MYT1: variants seen among roughly 807,000 people sequenced by gnomAD.
MYT1 encodes the protein myelin transcription factor 1, also known as myelin transcription factor I.
In MYT1, 23 loss-of-function variants were observed where a neutral mutation model predicts 123.0. That is an observed-to-expected ratio of 0.19 (90% confidence interval 0.13 to 0.26). MYT1 has a LOEUF of 0.26. Among genes scored for constraint, MYT1 ranks in the 10% least tolerant of loss-of-function variants. MYT1 has a pLI of 1.00. For missense variants in MYT1, 1,125 were observed against 1,472.5 expected (o/e 0.76, Z 3.86); for synonymous variants, 518 against 575.3 (o/e 0.90, Z 1.43).
Position 64,221,997 on chromosome 20 carries a change from C to G in MYT1, c.2346C>G (p.Thr782=), listed in dbSNP as rs774123501. The change falls in exon 14 of 23, where the codon ACC becomes ACG. Residue 782 remains threonine (T), a synonymous_variant. Coordinates refer to ENST00000328439, the MANE Select transcript of MYT1 (RefSeq NM_004535.3). ...AGTATCCGGGGGAAGTCACCCTGAC[C>G]AACTTTAAGCTGAAGTTTCTCTCCA... ...ERKYPGEVTL[T]NFKLKFLSKD... is the part of the protein sequence containing the mutation. 15 of 1,613,366 alleles carry G rather than the reference C, an allele frequency of 9.3e-6. No homozygotes were observed.
In MYT1 at chr20:64,232,337, G is replaced by C; in HGVS notation, c.2849G>C (p.Gly950Ala). The change falls in exon 19 of 23, where the codon GGC becomes GCC. Residue 950 changes from glycine to alanine, a missense_variant. By Grantham distance (60) the Gly-to-Ala change is moderately conservative. Around this residue, in one of 4 missense-constraint regions of MYT1, gnomAD observed 243 missense variants for 323.1 expected, o/e 0.75. Coordinates refer to ENST00000328439, the MANE Select transcript of MYT1 (RefSeq NM_004535.3). The surrounding 1 kb of genome is among the most constrained non-coding windows in gnomAD (Gnocchi z 6.9). ...KNEGPTCPTP[G>A]CDGSGHANGS... ...GAAGGACCGACCTGCCCCACCCCGG[G>C]CTGTGACGGCTCTGGCCACGCCAAT... 1 of 1,613,022 alleles carries C rather than the reference G, an allele frequency of 6.2e-7. No individual in the cohort carries two copies. Among genetic ancestry groups the C allele is most frequent in the Non-Finnish European group, 8.5e-7 (1 of 1,179,982 alleles).
chr20:64,168,041 CG>C lies in MYT1; in HGVS notation c.-99+3304del, dbSNP rs1338695898. On this transcript the variant is annotated intron_variant, in intron 1 of 22. Transcript: ENST00000328439. This position sits in a 1 kb window ranked among gnomAD's most constrained non-coding sequence, Gnocchi z 6.1. ...CCACTGGGGAGCCCACTGCCCAGCC[CG>C]GAGTGTCTGCTGGAGGCCTGGGGGG... Among the ~76,000 whole-genome samples, 1 of 152,182 alleles carries C rather than the reference CG, an allele frequency of 6.6e-6. No homozygotes were observed. Among genetic ancestry groups the C allele is most frequent in the Non-Finnish European group, 1.5e-5 (1 of 68,044 alleles).
rs1399126271 is a variant in MYT1, at chr20:64,186,411, A to G, written c.-98-3652A>G. On this transcript the variant is annotated intron_variant, in intron 1 of 22. Transcript: ENST00000328439. This position sits in a 1 kb window ranked among gnomAD's most constrained non-coding sequence, Gnocchi z 4.3. ...TTCAGATTAACTCACTAGAAACTCA[A>G]TAACCCAAGAGAACAGGCTCGTCTG... Among the ~76,000 whole-genome samples the G allele has an allele frequency of 3.3e-5, 5 of 152,114 alleles. No homozygotes were observed. The highest frequency in any genetic ancestry group is 2.1e-4 in the South Asian group (1 of 4,830).
rs752240541 is a variant in MYT1 at position 64,202,876 on chromosome 20, C to T, written c.87-2159C>T. Among the ~76,000 whole-genome samples, 357 of 152,168 alleles carry T rather than the reference C, an allele frequency of 2.3e-3. 2 individuals carry two copies. Among genetic ancestry groups the T allele is most frequent in the Non-Finnish European group, 3.9e-3 (263 of 68,024 alleles). On this transcript the variant is annotated intron_variant, in intron 4 of 22. Transcript: ENST00000328439. The surrounding 1 kb of genome is among the most constrained non-coding windows in gnomAD (Gnocchi z 5.0). Reference sequence around the variant, plus strand: ...ATTCCCTCCTCCCGGAGAAAAGAGGCTCGGGAGTCCTGGAGCCCTGGCCGT... The same window carrying T: ...ATTCCCTCCTCCCGGAGAAAAGAGGTTCGGGAGTCCTGGAGCCCTGGCCGT...
rs1047182790 is a variant in MYT1 at position 64,219,714 on chromosome 20, C to G, written c.1973C>G (p.Ser658Cys). 2.5e-6 allele frequency: 4 copies of G among 1,609,126 alleles called. No individual in the cohort carries two copies. Among genetic ancestry groups the G allele is most frequent in the Non-Finnish European group, 2.5e-6 (3 of 1,176,702 alleles). Residue 658 changes from serine to cysteine, a missense_variant and splice_region_variant, in exon 13 of 23, where the codon TCT becomes TGT. Around this residue, in one of 4 missense-constraint regions of MYT1, gnomAD observed 429 missense variants for 604.1 expected, o/e 0.71. Transcript: ENST00000328439. Reference protein sequence around the residue: ...STKPQDLPSKSVDIEVDENGT... With the variant: ...STKPQDLPSKCVDIEVDENGT... ...CAGATCTCACCTTTGCCATTGCAGT[C>G]TGTGGATATCGAGGTAGACGAAAAT...
chr20:64,170,878 TATATATAGAG>T (rs1328628317), intron 1 of MYT1, among the ~76,000 whole-genome samples: 21 of 55,614 alleles, frequency 3.8e-4, no homozygotes, highest in African/African-American at 1.3e-3. Context: ...TATATATATA[TATATATAGAG>T]AGAGAGAGAG....
At chr20:64,226,153 C>T (rs948967249) in intron 16 of MYT1, among the ~76,000 whole-genome samples, 2 of 152,204 alleles carry the variant, frequency 1.3e-5, no homozygotes, top group Non-Finnish European at 2.9e-5. Context: ...GAGAGGCAGG[C>T]CATCTTCAGT....
intron 7 of MYT1, among the ~76,000 whole-genome samples, chr20:64,210,656 C>T (rs73325829): frequency 0.044 from 6,641 of 152,288 alleles, 160 homozygotes; most frequent in Middle Eastern, 0.11. Flanking sequence ...CTCTGAGGGT[C>T]CTCCGTGTTC....
intron 3 of MYT1, 116 bp downstream of exon 3, chr20:64,199,032 C>A (rs1035527209): frequency 2.9e-6 from 3 of 1,036,770 alleles, no homozygotes; most frequent in Non-Finnish European, 2.8e-6. Context: ...GACCTCAGGC[C>A]TCTTCAGCCT....
chr20:64,225,807 T>C (rs1984153678), intron 16 of MYT1, among the ~76,000 whole-genome samples: 1 of 152,060 alleles, frequency 6.6e-6, no homozygotes, highest in Non-Finnish European at 1.5e-5. Context: ...GGGACACAAC[T>C]CTTGAGAAAA....
At position 64,213,751 on chromosome 20, in the gene MYT1, G is replaced by GTGTGAGTGTACGTGCA. The variant is rs66986839; in HGVS notation, c.1631+130_1631+145dup. 925 of 932,946 alleles carry GTGTGAGTGTACGTGCA rather than the reference G, an allele frequency of 9.9e-4. 3 individuals carry two copies. Among genetic ancestry groups the GTGTGAGTGTACGTGCA allele is most frequent in the Non-Finnish European group, 1.3e-3 (752 of 593,092 alleles). The allele number at this position is 932,946 out of a possible 1,614,324, so 57.8% of individuals were successfully genotyped here. A position where few individuals can be genotyped will look rare whatever the true frequency, so the allele number is the denominator to read the frequency against. ...TATGTGCATGTGTGTGAGTGCATGTGTGTGAGTGTACGTGCATGTGAGTGT... is the reference window on the plus strand; with the variant it reads ...TATGTGCATGTGTGTGAGTGCATGTGTGTGAGTGTACGTGCATGTGAGTGTACGTGCATGTGAGTGT... On this transcript the variant is annotated intron_variant, in intron 10 of 22. Coordinates refer to ENST00000328439, the MANE Select transcript of MYT1 (RefSeq NM_004535.3). This position sits in a 1 kb window ranked among gnomAD's most constrained non-coding sequence, Gnocchi z 5.6.
At chr20:64,207,453 G>T (rs35094109) in intron 6 of MYT1, 141 bp from the exon 7 acceptor site, 147,345 of 1,438,806 alleles carry the variant, frequency 0.1, 8,387 homozygotes, top group South Asian at 0.17. Flanking sequence ...CCCCACTTCT[G>T]GAGTTTCATG....
At chr20:64,216,061 C>T (rs1040676409) in intron 10 of MYT1, among the ~76,000 whole-genome samples, 3 of 152,210 alleles carry the variant, frequency 2.0e-5, no homozygotes, top group Non-Finnish European at 2.9e-5. Flanking sequence ...CAGAGCTGGC[C>T]GTGGTTGCAG....
intron 2 of MYT1, among the ~76,000 whole-genome samples, chr20:64,194,484 G>A (rs150339740): frequency 2.0e-5 from 3 of 152,370 alleles, no homozygotes; most frequent in African/African-American, 7.2e-5. Flanking sequence ...GGCCAGAACA[G>A]CTCCTGCTGG....
chr20:64,205,123 A>C (rs1199462540), intron 5 of MYT1, 26 bp downstream of exon 5: 1 of 1,612,808 alleles, frequency 6.2e-7, no homozygotes, highest in African/African-American at 1.3e-5. Flanking sequence ...GATCTCACGG[A>C]GATTCCTGGG....
intron 2 of MYT1, among the ~76,000 whole-genome samples, chr20:64,198,165 T>C (rs1367626347): frequency 6.6e-6 from 1 of 151,536 alleles, no homozygotes; most frequent in Non-Finnish European, 1.5e-5. Context: ...CGGGCGCCTG[T>C]AGTCCCAGCT....
At position 64,240,493 on chromosome 20, in the gene MYT1, C is replaced by G. The variant is rs775467460; in HGVS notation, c.*45C>G. 1 of 1,588,766 alleles carries G rather than the reference C, an allele frequency of 6.3e-7. No individual in the cohort carries two copies. Among genetic ancestry groups the G allele is most frequent in the Non-Finnish European group, 8.6e-7 (1 of 1,169,280 alleles). ...TGTCCCAGCCCACCACACCGTTTAC[C>G]TCCCTCGCCCTGCCCCGCACCGTGG... On this transcript the variant is annotated 3_prime_UTR_variant, in exon 23 of 23. Transcript: ENST00000328439.
chr20:64,230,636 T>A (rs917125737), intron 18 of MYT1, among the ~76,000 whole-genome samples: 3 of 152,178 alleles, frequency 2.0e-5, no homozygotes, highest in African/African-American at 7.2e-5. Context: ...GGTGCAGGTG[T>A]CCCCCAGGGT....
At chr20:64,198,155 C>T (rs541841808) in intron 2 of MYT1, among the ~76,000 whole-genome samples, 12 of 151,790 alleles carry the variant, frequency 7.9e-5, no homozygotes, top group East Asian at 5.8e-4. Flanking sequence ...GGCGTGGTAG[C>T]GGGCGCCTGT....
Sources: gnomAD v4.1 joint callset for allele counts (sites outside exome capture counted in the v4.1 genomes callset) on GRCh38, gnomAD v4.1.1 for gene constraint, gnomAD v4.1.1 regional missense constraint, Gnocchi (gnomAD v3.1) non-coding constraint, MANE v1.5 for transcripts, NCBI Gene and HGNC (gene_info 2026-07-23, HGNC 2026-07-21) for gene names.